Variants in DENND1A observed in about 807,000 individuals in gnomAD.
DENND1A encodes the protein DENN domain containing 1A, also known as DENN domain-containing protein 1A.
In DENND1A, 51 loss-of-function variants were observed where a neutral mutation model predicts 113.7. The observed-to-expected ratio is 0.45, with a 90% CI of 0.36 to 0.57. DENND1A has a LOEUF of 0.57. Ranked by LOEUF, DENND1A falls within the 20% of genes least tolerant of loss-of-function variation. The pLI, the probability that DENND1A is intolerant of heterozygous loss-of-function variation, is 0.00. For missense variants in DENND1A, 1,258 were observed against 1,395.9 expected (o/e 0.90, Z 1.57); for synonymous variants, 565 against 570.8 (o/e 0.99, Z 0.14).
chr9:123,606,281 G>A (rs2060151407), intron 11 of DENND1A, among the ~76,000 whole-genome samples: 1 of 152,184 alleles, frequency 6.6e-6, no homozygotes, highest in Non-Finnish European at 1.5e-5. Context: ...TGTCTTGGCT[G>A]GTTTCAAGAG....
chr9:123,461,076 CTTCCACA>C (rs2048487912), intron 13 of DENND1A, among the ~76,000 whole-genome samples: 1 of 152,214 alleles, frequency 6.6e-6, no homozygotes, highest in Non-Finnish European at 1.5e-5. Context: ...TGCCTCTGCT[CTTCCACA>C]TACCTCATGC....
At chr9:123,753,525 A>G (rs1266359578) in intron 5 of DENND1A, among the ~76,000 whole-genome samples, 1 of 152,226 alleles carries the variant, frequency 6.6e-6, no homozygotes, top group East Asian at 1.9e-4. Flanking sequence ...GAGTTTGGTA[A>G]TGTGAACTAC....
intron 9 of DENND1A, among the ~76,000 whole-genome samples, chr9:123,636,571 C>T (rs1217126843): frequency 6.6e-6 from 1 of 151,610 alleles, no homozygotes; most frequent in Non-Finnish European, 1.5e-5. Flanking sequence ...CCCTCCTCGG[C>T]CTCCCAAATA....
At chr9:123,406,487 C>G (rs1392484484) in intron 20 of DENND1A, among the ~76,000 whole-genome samples, 1 of 152,236 alleles carries the variant, frequency 6.6e-6, no homozygotes, top group African/African-American at 2.4e-5. Context: ...TTAGGATTCT[C>G]TTACCCCTGC....
chr9:123,930,043 G>A lies in DENND1A; in HGVS notation c.-138C>T, dbSNP rs1857766678. ...TCAGGCTGGGGCCCGCCCGCTCGAG[G>A]CTCGCTCCCTCGCCGCCGCCGCCGC... On this transcript the variant is annotated 5_prime_UTR_variant, in exon 1 of 24. Transcript: ENST00000394215. The A allele has an allele frequency of 9.3e-6, 2 of 215,214 alleles. No homozygotes were observed. Among genetic ancestry groups the A allele is most frequent in the Non-Finnish European group, 1.8e-5 (2 of 110,410 alleles). 13.3% of individuals were successfully genotyped at this position (215,214 alleles called of 1,614,324 possible).
intron 13 of DENND1A, among the ~76,000 whole-genome samples, chr9:123,551,059 T>C (rs981542204): frequency 3.9e-5 from 6 of 151,988 alleles, no homozygotes; most frequent in Non-Finnish European, 7.4e-5. Context: ...ATAAAGGGGG[T>C]TTCTCTGGAT....
intron 13 of DENND1A, among the ~76,000 whole-genome samples, chr9:123,527,259 C>CT (rs1251651292): frequency 6.6e-6 from 1 of 152,222 alleles, no homozygotes; most frequent in African/African-American, 2.4e-5. Flanking sequence ...GCTTCTTTCT[C>CT]TGAGCTTGCC....
At chr9:123,515,091 G>T (rs2564359) in intron 13 of DENND1A, among the ~76,000 whole-genome samples, 2 of 152,020 alleles carry the variant, frequency 1.3e-5, no homozygotes, top group Admixed American at 6.5e-5. Context: ...CAAAAAGCAA[G>T]AGAGACTATC....
intron 13 of DENND1A, among the ~76,000 whole-genome samples, chr9:123,531,286 A>G (rs1299173823): frequency 1.3e-5 from 2 of 150,818 alleles, no homozygotes; most frequent in African/African-American, 4.9e-5. Flanking sequence ...CCTCTCTCCC[A>G]CTCTGCTTTC....
chr9:123,457,533 C>A, intron 14 of DENND1A, 98 bp from the exon 15 acceptor site: 1 of 1,056,320 alleles, frequency 9.5e-7, no homozygotes, highest in Non-Finnish European at 1.4e-6. Flanking sequence ...TAGGAGTTTT[C>A]AAAAAGTAAG....
At chr9:123,407,342 CGA>C (rs2043950065) in intron 20 of DENND1A, among the ~76,000 whole-genome samples, 1 of 152,048 alleles carries the variant, frequency 6.6e-6, no homozygotes, top group South Asian at 2.1e-4. Context: ...CTGACCATCC[CGA>C]GATACATCGA....
intron 2 of DENND1A, among the ~76,000 whole-genome samples, chr9:123,820,299 T>C (rs12000707): frequency 0.15 from 22,092 of 152,242 alleles, 2,783 homozygotes; most frequent in African/African-American, 0.34. Flanking sequence ...CTTTGAACCA[T>C]GGAATACAGC....
At chr9:123,752,073 A>G (rs900575695) in intron 5 of DENND1A, 1 of 152,246 alleles carries the variant, frequency 6.6e-6, no homozygotes, top group Non-Finnish European at 1.5e-5. Flanking sequence ...GTCCATGAAC[A>G]GTGCACCTAG....
intron 13 of DENND1A, among the ~76,000 whole-genome samples, chr9:123,520,977 A>G (rs1367823509): frequency 6.6e-6 from 1 of 152,204 alleles, no homozygotes; most frequent in African/African-American, 2.4e-5. Context: ...TTACTGTACA[A>G]ACTACATTCA....
chr9:123,528,440 GA>G (rs1172122547), intron 13 of DENND1A, among the ~76,000 whole-genome samples: 2 of 152,106 alleles, frequency 1.3e-5, no homozygotes, highest in East Asian at 3.8e-4. Context: ...CTTATGGTGT[GA>G]AAAAAATCTC....
chr9:123,380,070 G>C lies in DENND1A; in HGVS notation c.*1362C>G, dbSNP rs1013435135. On this transcript the variant is annotated 3_prime_UTR_variant, in exon 24 of 24. Coordinates refer to ENST00000394215, the MANE Select transcript of DENND1A (RefSeq NM_001352964.2). ...CAGCAGTGGCAGCCTCTCAGACATA[G>C]AGGGGGCTCCCTGGGTGACATCTCC... 1.3e-5 allele frequency: 2 copies of C among 152,264 alleles called. No individual in the cohort carries two copies. The highest frequency in any genetic ancestry group is 2.9e-5 in the Non-Finnish European group (2 of 68,072). 9.4% of individuals were successfully genotyped at this position (152,264 alleles called of 1,614,324 possible). A position where few individuals can be genotyped will look rare whatever the true frequency, so the allele number is the denominator to read the frequency against.
intron 2 of DENND1A, among the ~76,000 whole-genome samples, chr9:123,866,809 T>C (rs1212533162): frequency 6.6e-6 from 1 of 152,216 alleles, no homozygotes; most frequent in Non-Finnish European, 1.5e-5. Flanking sequence ...TTAGTTTAAA[T>C]AGCTTTCCCA....
intron 5 of DENND1A, among the ~76,000 whole-genome samples, chr9:123,724,063 T>G (rs1207092398): frequency 6.6e-6 from 1 of 152,220 alleles, no homozygotes; most frequent in African/African-American, 2.4e-5. Flanking sequence ...AACATCCAAA[T>G]TTCCCTCCCT....
At chr9:123,450,619 A>G in intron 18 of DENND1A, 74 bp downstream of exon 18, 2 of 1,219,598 alleles carry the variant, frequency 1.6e-6, no homozygotes, top group Non-Finnish European at 2.4e-6. Context: ...CCCTCTATTG[A>G]TCCCCTCATA....
Sources: gnomAD v4.1 joint callset for allele counts (sites outside exome capture counted in the v4.1 genomes callset) on GRCh38, gnomAD v4.1.1 for gene constraint, MANE v1.5 for transcripts, NCBI Gene and HGNC (gene_info 2026-07-23, HGNC 2026-07-21) for gene names.